The following LAMA1 variants were observed in gnomAD, a reference collection of about 807,000 sequenced individuals.
The protein encoded by LAMA1 is laminin subunit alpha 1, also known as laminin subunit alpha-1.
LAMA1 carries 219 observed loss-of-function variants against 348.7 expected under a neutral mutation model. The ratio of observed to expected loss-of-function variants is 0.63; its 90% confidence interval spans 0.56 to 0.70. The LOEUF (loss-of-function observed/expected upper bound fraction) is 0.70. Ranked by LOEUF, LAMA1 falls within the 30% of genes least tolerant of loss-of-function variation. The pLI is 0.00. For synonymous variants in LAMA1, 1,487 were observed against 1,491.0 expected (o/e 1.00, Z 0.06); for missense variants, 3,744 against 3,888.0 (o/e 0.96, Z 0.99).
rs550168552 is a variant in LAMA1 at position 6,944,208 on chromosome 18, G to T, written c.8845-806C>A. On this transcript the variant is annotated intron_variant, in intron 61 of 62. Transcript: ENST00000389658. ...TTTTTGTATTTTTAGTAGAGACAGG[G>T]TTTCACCATGTTGGCCAGGCTGGTC... Among the ~76,000 whole-genome samples the T allele has an allele frequency of 3.3e-5, 5 of 152,226 alleles. No individual in the cohort carries two copies. The East Asian group carries it at 7.8e-4, about 24-fold the overall frequency.
At chr18:6,997,123 G>T (rs1182184194) in intron 33 of LAMA1, among the ~76,000 whole-genome samples, 1 of 152,096 alleles carries the variant, frequency 6.6e-6, no homozygotes, top group Non-Finnish European at 1.5e-5. Flanking sequence ...GAGTGCAGTG[G>T]TGTGATCTCG....
intron 5 of LAMA1, among the ~76,000 whole-genome samples, chr18:7,046,958 T>C (rs2058044025): frequency 6.6e-6 from 1 of 152,236 alleles, no homozygotes; most frequent in Non-Finnish European, 1.5e-5. Flanking sequence ...TTGTTATTTC[T>C]GGTAGTTGCT....
intron 1 of LAMA1, among the ~76,000 whole-genome samples, chr18:7,088,139 G>C (rs1346918297): frequency 6.6e-6 from 1 of 152,140 alleles, no homozygotes; most frequent in Non-Finnish European, 1.5e-5. Context: ...ACAGTGAGAG[G>C]CCTAAAGGAA....
At chr18:7,042,776 G>A (rs560514701) in intron 8 of LAMA1, 12 of 201,006 alleles carry the variant, frequency 6.0e-5, no homozygotes, top group Non-Finnish European at 1.0e-4. Flanking sequence ...CCAGCTACTC[G>A]GGAGGCTGAG....
intron 36 of LAMA1, among the ~76,000 whole-genome samples, chr18:6,987,410 TA>T (rs2144062500): frequency 6.6e-6 from 1 of 152,360 alleles, no homozygotes; most frequent in South Asian, 2.1e-4. Flanking sequence ...ACAGATTTCA[TA>T]AAAGCTTTCA....
At chr18:7,057,052 A>G (rs902859070) in intron 3 of LAMA1, among the ~76,000 whole-genome samples, 36 of 151,972 alleles carry the variant, frequency 2.4e-4, no homozygotes, top group African/African-American at 8.2e-4. Flanking sequence ...TTGTATTTTT[A>G]GTAGAGATGA....
At chr18:7,106,317 G>A (rs1212139511) in intron 1 of LAMA1, among the ~76,000 whole-genome samples, 1 of 151,852 alleles carries the variant, frequency 6.6e-6, no homozygotes, top group Non-Finnish European at 1.5e-5. Flanking sequence ...GATGTTAACT[G>A]AGTGGTTCTC....
At chr18:6,967,906 A>G (rs2057640943) in intron 48 of LAMA1, among the ~76,000 whole-genome samples, 1 of 151,952 alleles carries the variant, frequency 6.6e-6, no homozygotes, top group Admixed American at 6.5e-5. Flanking sequence ...CTCCCCAAAC[A>G]GGGCCTGCTG....
At position 6,948,510 on chromosome 18, in the gene LAMA1, C is replaced by G. The variant is rs765974845; in HGVS notation, c.8603G>C (p.Ser2868Thr). ...CGGGCTGTCCTTGTCCAGCTGTTTG[C>G]TGTTAACCGTCACATCCCCAATGCA... ...PACIGDVTVN[S>T]KQLDKDSPVS... The change falls in exon 60 of 63, where the codon AGC (serine) becomes ACC (threonine). Residue 2868 changes from serine (S) to threonine (T), a missense_variant. Physicochemically the swap from Ser to Thr is moderately conservative, Grantham distance 58. This residue lies in a region of LAMA1 where 1,983 missense variants were observed against 1,934.3 expected (regional missense o/e 1.03). Transcript: ENST00000389658. The G allele has an allele frequency of 2.5e-6, 4 of 1,614,186 alleles. No homozygotes were observed. In the Admixed American group the frequency reaches 6.7e-5, roughly 27 times the overall value.
chr18:7,101,675 T>G (rs575981302), intron 1 of LAMA1, among the ~76,000 whole-genome samples: 1 of 152,260 alleles, frequency 6.6e-6, no homozygotes, highest in East Asian at 1.9e-4. Context: ...TTATTTATAT[T>G]TTTATTTTTA....
intron 8 of LAMA1, chr18:7,042,806 C>T: frequency 9.8e-6 from 2 of 203,108 alleles, no homozygotes; most frequent in Non-Finnish European, 2.0e-5. Context: ...TCGCTTGAAC[C>T]CGGGAGGTGG....
chr18:6,963,626 C>T (rs886810248), intron 51 of LAMA1, among the ~76,000 whole-genome samples: 2 of 152,136 alleles, frequency 1.3e-5, no homozygotes, highest in African/African-American at 4.8e-5. Flanking sequence ...AGAACTTGAC[C>T]TAAAGATAGA....
At chr18:7,014,721 G>C (rs905201907) in intron 22 of LAMA1, among the ~76,000 whole-genome samples, 1 of 151,596 alleles carries the variant, frequency 6.6e-6, no homozygotes, top group African/African-American at 2.4e-5. Flanking sequence ...AGGCTACATA[G>C]AAAACTGGAG....
chr18:6,985,845 A>G, intron 37 of LAMA1, among the ~76,000 whole-genome samples: 1 of 152,082 alleles, frequency 6.6e-6, no homozygotes, highest in Admixed American at 6.6e-5. Flanking sequence ...TACAACCTCC[A>G]TCTCCCAAGT....
Position 6,941,808 on chromosome 18 carries a change from T to C in LAMA1, c.*271A>G. ...TCAAAATGAAAAACATAAAATACTA[T>C]CAAGTAATCAACAGAACATTCAATG... is the stretch of plus-strand genomic sequence containing the variant. On this transcript the variant is annotated 3_prime_UTR_variant, in exon 63 of 63. Transcript: ENST00000389658. 1 of 441,684 alleles carries C rather than the reference T, an allele frequency of 2.3e-6. No individual in the cohort carries two copies. The highest frequency in any genetic ancestry group is 3.5e-5 in the Admixed American group (1 of 28,554). The allele number at this position is 441,684 out of a possible 1,614,324, so 27.4% of individuals were successfully genotyped here. A position where few individuals can be genotyped will look rare whatever the true frequency, so the allele number is the denominator to read the frequency against.
intron 1 of LAMA1, among the ~76,000 whole-genome samples, chr18:7,117,445 C>T (rs1598328158): frequency 6.6e-6 from 1 of 152,194 alleles, no homozygotes; most frequent in East Asian, 2.0e-4. Flanking sequence ...AAAGCCTAAG[C>T]CTGCAAAGAG....
chr18:7,117,613 C>A (rs1035018214), intron 1 of LAMA1, 47 bp downstream of exon 1: 1 of 1,579,700 alleles, frequency 6.3e-7, no homozygotes, highest in Admixed American at 1.7e-5. Flanking sequence ...CGCCCCCGCC[C>A]GCCCGCCTGC....
chr18:7,038,503 G>A, intron 11 of LAMA1: 1 of 418,018 alleles, frequency 2.4e-6, no homozygotes, highest in South Asian at 2.1e-5. Context: ...AGCAGCAGGG[G>A]CGGGCGGAGG....
At chr18:6,959,793 GTCT>G (rs2057598602) in intron 53 of LAMA1, 2 of 335,444 alleles carry the variant, frequency 6.0e-6, no homozygotes, top group South Asian at 6.0e-5. Flanking sequence ...ATTGTAATTT[GTCT>G]TTTTATCAAT....
Sources: allele counts gnomAD v4.1 joint callset (sites outside exome capture counted in the v4.1 genomes callset), GRCh38; gene constraint gnomAD v4.1.1; regional missense constraint gnomAD v4.1.1; transcripts MANE v1.5; gene names NCBI Gene and HGNC (gene_info 2026-07-23, HGNC 2026-07-21).